Variants in MAPK10 observed in about 807,000 individuals in gnomAD.
MAPK10 encodes JNK3 alpha protein kinase.
MAPK10 carries 25 observed loss-of-function variants against 59.3 expected under a neutral mutation model. The ratio of observed to expected loss-of-function variants is 0.42; its 90% CI spans 0.31 to 0.59. The LOEUF is 0.59. MAPK10 is among the 20% of genes least tolerant of loss of function. The probability of loss-of-function intolerance (pLI) is 0.15; values close to 1 mark genes in which losing one functional copy is unlikely to be tolerated. For missense variants in MAPK10, 351 were observed against 568.9 expected, an observed-to-expected ratio of 0.62 and a Z score of 3.90; for synonymous variants, 190 against 200.5, an observed-to-expected ratio of 0.95 and a Z score of 0.44.
intron 1 of MAPK10, among the ~76,000 whole-genome samples, chr4:86,538,534 GC>G (rs1758430049): frequency 6.6e-6 from 1 of 152,170 alleles, no homozygotes; most frequent in Non-Finnish European, 1.5e-5. Context: ...TATTTTGGAT[GC>G]TTTTAGCCTT....
chr4:86,215,824 T>C (rs966290988), intron 2 of MAPK10, among the ~76,000 whole-genome samples: 15 of 152,178 alleles, frequency 9.9e-5, no homozygotes, highest in African/African-American at 3.4e-4. Flanking sequence ...ATTGTGCCAC[T>C]GCACTCCAGC....
upstream of MAPK10, among the ~76,000 whole-genome samples, chr4:86,456,852 CA>C (rs1579287285): frequency 6.6e-6 from 1 of 151,856 alleles, no homozygotes; most frequent in Non-Finnish European, 1.5e-5. Flanking sequence ...AGGACATAAC[CA>C]AAAAAGACAA....
rs114398591 is a variant in MAPK10, at chr4:86,107,450, G to A, written c.237-98C>T. On this transcript the variant is annotated intron_variant, in intron 4 of 13. Coordinates refer to ENST00000641462, the MANE Select transcript of MAPK10 (RefSeq NM_138982.4). The stretch of plus-strand genomic sequence containing the variant: ...ATACTGGTAAAGAAAATGCTATTTC[G>A]GAATCTTAGATACTGTCTACTCTGG... 1.6e-3 allele frequency: 2,340 copies of A among 1,483,426 alleles called. 13 individuals carry two copies. In the African/African-American group the frequency reaches 0.018, roughly 12 times the overall value. 91.9% of individuals were successfully genotyped at this position (1,483,426 alleles called of 1,614,324 possible).
At chr4:86,137,221 A>G (rs2062412531) in intron 4 of MAPK10, among the ~76,000 whole-genome samples, 1 of 151,996 alleles carries the variant, frequency 6.6e-6, no homozygotes, top group South Asian at 2.1e-4. Flanking sequence ...CCCCTAATCA[A>G]CAGAATATAC....
chr4:86,133,529 C>T (rs563531371), intron 4 of MAPK10, among the ~76,000 whole-genome samples: 11 of 152,250 alleles, frequency 7.2e-5, no homozygotes, highest in African/African-American at 2.6e-4. Flanking sequence ...TGCCTACAGC[C>T]AAAACAGTTT....
At chr4:86,518,644 T>C (rs1756888047) in intron 1 of MAPK10, among the ~76,000 whole-genome samples, 2 of 151,106 alleles carry the variant, frequency 1.3e-5, no homozygotes, top group South Asian at 2.1e-4. Context: ...TTTTTTTTTT[T>C]CTTCTGCTGG....
intron 13 of MAPK10, chr4:86,027,280 T>G (rs955430205): frequency 3.9e-5 from 6 of 152,216 alleles, no homozygotes; most frequent in African/African-American, 1.4e-4. Context: ...ACATAGATAA[T>G]TTTTAATTGT....
At chr4:86,180,688 G>T (rs1199323658) in intron 3 of MAPK10, among the ~76,000 whole-genome samples, 2 of 151,884 alleles carry the variant, frequency 1.3e-5, no homozygotes, top group Admixed American at 6.6e-5. Flanking sequence ...ATGAAATCCT[G>T]TCATTCTCAG....
chr4:86,018,620 G>A (rs1029361069), intron 13 of MAPK10, among the ~76,000 whole-genome samples: 1 of 152,126 alleles, frequency 6.6e-6, no homozygotes, highest in Non-Finnish European at 1.5e-5. Context: ...GGCATTGTGC[G>A]ATACAATTAA....
At chr4:86,459,433 A>G (rs908517066) in intron 1 of MAPK10, among the ~76,000 whole-genome samples, 1 of 152,242 alleles carries the variant, frequency 6.6e-6, no homozygotes, top group African/African-American at 2.4e-5. Flanking sequence ...AGAAGTCACT[A>G]AAAAGATACT....
At chr4:86,181,096 C>T (rs1460765) in intron 3 of MAPK10, among the ~76,000 whole-genome samples, 1,781 of 152,016 alleles carry the variant, frequency 0.012, 18 homozygotes, top group Non-Finnish European at 0.019. Context: ...TCACTATGTA[C>T]CTCCATAAAC....
At chr4:86,327,059 C>T (rs1484434469) in intron 2 of MAPK10, 1 of 152,162 alleles carries the variant, frequency 6.6e-6, no homozygotes, top group Non-Finnish European at 1.5e-5. Context: ...CAGCCTCGAC[C>T]TCCTAGGCTC....
At position 86,065,153 on chromosome 4, in the gene MAPK10, C is replaced by T. The variant is rs538306075; in HGVS notation, c.986-763G>A. On this transcript the variant is annotated intron_variant, in intron 10 of 13. Coordinates refer to ENST00000641462, the MANE Select transcript of MAPK10 (RefSeq NM_138982.4). Reference sequence around the variant, plus strand: ...GGTCTCGAACTCTGGGCTCAAAGATCCTCCCACCTCAGCCTCCCAAAATGC... The same window carrying T: ...GGTCTCGAACTCTGGGCTCAAAGATTCTCCCACCTCAGCCTCCCAAAATGC... The T allele has an allele frequency of 2.6e-5, 4 of 151,504 alleles. No homozygotes were observed. The South Asian group carries it at 8.3e-4, about 32-fold the overall frequency. 9.4% of individuals were successfully genotyped at this position (151,504 alleles called of 1,614,324 possible).
intron 1 of MAPK10, among the ~76,000 whole-genome samples, chr4:86,439,740 T>TAA (rs1749198501): frequency 6.6e-6 from 1 of 152,238 alleles, no homozygotes; most frequent in African/African-American, 2.4e-5. Context: ...TTGTTACATA[T>TAA]TCTTATTATT....
At chr4:86,136,805 A>G (rs1238200360) in intron 4 of MAPK10, among the ~76,000 whole-genome samples, 1 of 151,792 alleles carries the variant, frequency 6.6e-6, no homozygotes, top group Non-Finnish European at 1.5e-5. Context: ...ACGTGCAGAG[A>G]CACACATAGG....
At chr4:86,562,149 C>T (rs911136975) in intron 1 of MAPK10, among the ~76,000 whole-genome samples, 5 of 152,112 alleles carry the variant, frequency 3.3e-5, no homozygotes, top group South Asian at 2.1e-4. Flanking sequence ...TGGGCCCCAG[C>T]GTTCAAGACC....
intron 1 of MAPK10, among the ~76,000 whole-genome samples, chr4:86,482,460 G>A (rs917299811): frequency 6.6e-6 from 1 of 152,048 alleles, no homozygotes; most frequent in African/African-American, 2.4e-5. Context: ...TCTTTTTCTA[G>A]TTACGTGCCA....
chr4:86,316,703 C>G (rs1197712128), intron 2 of MAPK10, among the ~76,000 whole-genome samples: 1 of 152,088 alleles, frequency 6.6e-6, no homozygotes, highest in African/African-American at 2.4e-5. Context: ...ACTAAGAAAG[C>G]AGTAGTGGCA....
At chr4:86,261,214 T>C (rs1459653178) in intron 2 of MAPK10, among the ~76,000 whole-genome samples, 4 of 152,192 alleles carry the variant, frequency 2.6e-5, no homozygotes, top group African/African-American at 9.6e-5. Flanking sequence ...TTCACAATAA[T>C]AATAGTTTCA....
Sources: allele counts gnomAD v4.1 joint callset (sites outside exome capture counted in the v4.1 genomes callset), GRCh38; gene constraint gnomAD v4.1.1; transcripts MANE v1.5; gene names NCBI Gene and HGNC (gene_info 2026-07-23, HGNC 2026-07-21).